The following LRRK1 variants were observed in gnomAD, a reference collection of about 807,000 sequenced individuals.
The protein encoded by LRRK1 is leucine-rich repeat serine/threonine-protein kinase 1.
A neutral mutation model predicts 209.1 loss-of-function variants in LRRK1; 113 were observed. The observed-to-expected ratio is 0.54, with a 90% CI of 0.46 to 0.63. The LOEUF (loss-of-function observed/expected upper bound fraction) is 0.63. Ranked by LOEUF, LRRK1 falls within the 30% of genes least tolerant of loss-of-function variation. The probability of loss-of-function intolerance (pLI) is 0.00; values close to 1 mark genes in which losing one functional copy is unlikely to be tolerated. For missense variants in LRRK1, 2,284 were observed against 2,632.2 expected, an observed-to-expected ratio of 0.87 and a Z score of 2.89; for synonymous variants, 1,144 against 1,099.7, an observed-to-expected ratio of 1.04 and a Z score of -0.80.
intron 26 of LRRK1, 75 bp downstream of exon 26, chr15:101,053,495 T>C: frequency 7.5e-7 from 1 of 1,339,144 alleles, no homozygotes; most frequent in Non-Finnish European, 1.0e-6. Flanking sequence ...GCACGGGGGG[T>C]AGAGCCTCAG....
At chr15:101,005,786 T>C (rs1371497825) in intron 6 of LRRK1, among the ~76,000 whole-genome samples, 1 of 141,254 alleles carries the variant, frequency 7.1e-6, no homozygotes, top group East Asian at 2.1e-4. Context: ...GACTTGGGTG[T>C]CAAAAAAATA....
At chr15:101,012,360 T>C (rs1366293783) in intron 10 of LRRK1, among the ~76,000 whole-genome samples, 2 of 151,968 alleles carry the variant, frequency 1.3e-5, no homozygotes, top group Non-Finnish European at 2.9e-5. Flanking sequence ...GGTGGTGGGG[T>C]TATGGTTCGT....
At chr15:101,001,037 A>G (rs1393174945) in intron 6 of LRRK1, among the ~76,000 whole-genome samples, 1 of 152,186 alleles carries the variant, frequency 6.6e-6, no homozygotes, top group Non-Finnish European at 1.5e-5. Context: ...TGTCTCTACC[A>G]GAGTGCAGGA....
intron 16 of LRRK1, among the ~76,000 whole-genome samples, chr15:101,025,611 G>T (rs2033992481): frequency 6.6e-6 from 1 of 152,218 alleles, no homozygotes; most frequent in South Asian, 2.1e-4. Context: ...GTCACATAGT[G>T]AGAGAGGGAG....
chr15:101,020,159 T>C (rs1042980440), intron 12 of LRRK1, among the ~76,000 whole-genome samples: 1 of 152,196 alleles, frequency 6.6e-6, no homozygotes, highest in Non-Finnish European at 1.5e-5. Context: ...TTCAGTCCTC[T>C]AGTAATTCCT....
intron 6 of LRRK1, among the ~76,000 whole-genome samples, chr15:101,006,385 AAAAAAAAG>A (rs1332300109): frequency 3.3e-4 from 49 of 147,746 alleles, no homozygotes; most frequent in African/African-American, 1.2e-3. Flanking sequence ...AAAAAAAAAA[AAAAAAAAG>A]AAAAGGCATT....
At chr15:100,998,105 T>A (rs2032504769) in intron 6 of LRRK1, among the ~76,000 whole-genome samples, 1 of 148,624 alleles carries the variant, frequency 6.7e-6, no homozygotes, top group African/African-American at 2.5e-5. Flanking sequence ...CGCTTGAAAC[T>A]GGGAGGCAAG....
intron 2 of LRRK1, among the ~76,000 whole-genome samples, chr15:100,952,991 G>A (rs1372264387): frequency 1.3e-5 from 2 of 152,010 alleles, no homozygotes; most frequent in East Asian, 3.9e-4. Flanking sequence ...GTTTTATTGA[G>A]GTATAATTGC....
chr15:101,017,842 G>A (rs188297508), intron 12 of LRRK1, among the ~76,000 whole-genome samples: 2 of 151,864 alleles, frequency 1.3e-5, no homozygotes, highest in East Asian at 1.9e-4. Flanking sequence ...GTTAATAAAC[G>A]GTGTTGATAT....
chr15:101,050,156 G>A lies in LRRK1; in HGVS notation c.3439+373G>A, dbSNP rs143656466. Among the ~76,000 whole-genome samples, 83 of 152,246 alleles carry A rather than the reference G, an allele frequency of 5.5e-4. 4 individuals carry two copies. The East Asian group carries it at 7.5e-3, about 14-fold the overall frequency. ...GTGTGGCTGAAATTGCAGGGGAGCC[G>A]GCAGATGGAAATTTATCCCCTGCGC... On this transcript the variant is annotated intron_variant, in intron 23 of 33. Coordinates refer to ENST00000388948, the MANE Select transcript of LRRK1 (RefSeq NM_024652.6).
At chr15:101,035,784 CCATTTGAGTCCTTTCTCTTCCT>C (rs2034472640) in intron 20 of LRRK1, among the ~76,000 whole-genome samples, 1 of 151,958 alleles carries the variant, frequency 6.6e-6, no homozygotes, top group East Asian at 1.9e-4. Flanking sequence ...TGTGGTGGTA[CCATTTGAGTCCTTTCTCTTCCT>C]CATTTGAGTG....
intron 3 of LRRK1, among the ~76,000 whole-genome samples, chr15:100,978,893 A>G (rs1466347122): frequency 1.3e-5 from 2 of 152,126 alleles, no homozygotes; most frequent in East Asian, 1.9e-4. Flanking sequence ...TAACACTTTT[A>G]TGAAGGCTGT....
At chr15:101,048,357 G>A in intron 21 of LRRK1, 137 bp from the exon 22 acceptor site, 1 of 646,994 alleles carries the variant, frequency 1.5e-6, no homozygotes. Flanking sequence ...CAGCAGGGAT[G>A]AGCAGCGTGG....
intron 6 of LRRK1, among the ~76,000 whole-genome samples, chr15:100,990,470 A>G (rs1172381326): frequency 6.6e-6 from 1 of 152,144 alleles, no homozygotes; most frequent in African/African-American, 2.4e-5. Flanking sequence ...TTTCACCAGC[A>G]ATAGGTGGGA....
rs770946839 is a variant in LRRK1 at position 101,065,716 on chromosome 15, C to T, written c.5279C>T (p.Ser1760Phe). ...TGGTGCCTGGATGACAAGGCCAACT[C>T]CTTGGTGATGTACCACTCCACCACC... ...VVWCLDDKAN[S>F]LVMYHSTTYQ... Residue 1760 changes from serine (S) to phenylalanine (F), a missense_variant, in exon 32 of 34, where the codon TCC (serine) becomes TTC (phenylalanine). Ser to Phe is a radical substitution (Grantham distance 155). This residue lies in a region of LRRK1 where 643 missense variants were observed against 695.9 expected (regional missense o/e 0.92). Coordinates refer to ENST00000388948, the MANE Select transcript of LRRK1 (RefSeq NM_024652.6). 1.1e-5 allele frequency: 18 copies of T among 1,614,020 alleles called. No individual in the cohort carries two copies. The highest frequency in any genetic ancestry group is 1.6e-4 in the Middle Eastern group (1 of 6,084).
chr15:101,077,237 A>G lies in LRRK1; in HGVS notation c.*8389A>G, dbSNP rs995399317. The G allele has an allele frequency of 6.6e-6, 1 of 152,236 alleles. No homozygotes were observed. The highest frequency in any genetic ancestry group is 2.4e-5 in the African/African-American group (1 of 41,458). The allele number at this position is 152,236 out of a possible 1,614,324, so 9.4% of individuals were successfully genotyped here. A position where few individuals can be genotyped will look rare whatever the true frequency, so the allele number is the denominator to read the frequency against. ...TTATTAGGCCCCAGTCTCATTCCAGACACCAGACCAACTTGGACTGTGCCC... is the reference window on the plus strand; with the variant it reads ...TTATTAGGCCCCAGTCTCATTCCAGGCACCAGACCAACTTGGACTGTGCCC... On this transcript the variant is annotated 3_prime_UTR_variant, in exon 34 of 34. Coordinates refer to ENST00000388948, the MANE Select transcript of LRRK1 (RefSeq NM_024652.6).
rs750245974 is a variant in LRRK1, at chr15:101,071,705, G to A, written c.*2857G>A. On this transcript the variant is annotated 3_prime_UTR_variant, in exon 34 of 34. Transcript: ENST00000388948. Reference sequence around the variant, plus strand: ...TGCGCTGGCCGAATCTCTGCTTTTAGGAGCTCACTCCTCATAGGTAGAGTT... The same window carrying A: ...TGCGCTGGCCGAATCTCTGCTTTTAAGAGCTCACTCCTCATAGGTAGAGTT... 1.3e-5 allele frequency: 2 copies of A among 152,160 alleles called. No individual in the cohort carries two copies. Among genetic ancestry groups the A allele is most frequent in the Non-Finnish European group, 2.9e-5 (2 of 68,046 alleles). 9.4% of individuals were successfully genotyped at this position (152,160 alleles called of 1,614,324 possible).
intron 6 of LRRK1, among the ~76,000 whole-genome samples, chr15:101,001,976 CACCTGTGTGCA>C (rs1224749053): frequency 6.6e-6 from 1 of 152,132 alleles, no homozygotes; most frequent in African/African-American, 2.4e-5. Flanking sequence ...TACAGAGGAA[CACCTGTGTGCA>C]TATGTCACAG....
chr15:101,029,906 G>A lies in LRRK1; in HGVS notation c.2963+674G>A, dbSNP rs79967321. Among the ~76,000 whole-genome samples, 430 of 152,246 alleles carry A rather than the reference G, an allele frequency of 2.8e-3. 5 individuals carry two copies. Among genetic ancestry groups the A allele is most frequent in the African/African-American group, 9.8e-3 (409 of 41,534 alleles). On this transcript the variant is annotated intron_variant, in intron 20 of 33. Coordinates refer to ENST00000388948, the MANE Select transcript of LRRK1 (RefSeq NM_024652.6). ...CAAAAAAAGAATGAGCGACTAGGAT[G>A]TGCATACTAATTACACAGCCCAGTT...
Sources: allele counts gnomAD v4.1 joint callset (sites outside exome capture counted in the v4.1 genomes callset), GRCh38; gene constraint gnomAD v4.1.1; regional missense constraint gnomAD v4.1.1; transcripts MANE v1.5; gene names NCBI Gene and HGNC (gene_info 2026-07-23, HGNC 2026-07-21).